Variants in REPS2 observed in about 807,000 individuals in gnomAD.
The protein encoded by REPS2 is RALBP1 associated Eps domain containing 2, also known as ralBP1-associated Eps domain-containing protein 2.
A neutral mutation model predicts 53.6 loss-of-function variants in REPS2; 23 were observed. The observed-to-expected ratio is 0.43, with a 90% CI of 0.31 to 0.61. The LOEUF is 0.61. Ranked by LOEUF, REPS2 falls within the 20% of genes least tolerant of loss-of-function variation. REPS2 has a pLI of 0.11. For synonymous variants in REPS2, 238 were observed against 218.6 expected (o/e 1.09, Z -0.78); for missense variants, 446 against 534.9 (o/e 0.83, Z 1.64).
intron 5 of REPS2, among the ~76,000 whole-genome samples, chrX:17,041,399 C>G (rs1012653103): frequency 2.5e-4 from 28 of 111,588 alleles, no homozygotes; most frequent in African/African-American, 8.5e-4. Context: ...GCTTCTGTGA[C>G]TTTTTTTTCT....
chrX:16,988,454 A>G (rs1357597733), intron 1 of REPS2, among the ~76,000 whole-genome samples: 1 of 112,547 alleles, frequency 8.9e-6, no homozygotes, highest in Non-Finnish European at 1.9e-5. Context: ...CATACTAGCC[A>G]TAAACAAATG....
At chrX:17,163,581 T>G in the REPS2 span, among the ~76,000 whole-genome samples, 12 of 111,992 alleles carry the variant, frequency 1.1e-4, no homozygotes, top group African/African-American at 3.6e-4. Context: ...ATCTTGAAAG[T>G]AGCAAAAGCT....
chrX:17,143,752 G>C (rs1182872266), intron 17 of REPS2, among the ~76,000 whole-genome samples: 1 of 109,902 alleles, frequency 9.1e-6, no homozygotes. Flanking sequence ...GTTTATTTTT[G>C]ACGGTATCCT....
intron 14 of REPS2, among the ~76,000 whole-genome samples, chrX:17,129,543 C>T (rs751178): frequency 0.025 from 2,773 of 111,850 alleles, 92 homozygotes; most frequent in African/African-American, 0.087. Flanking sequence ...TTTAGCCTGA[C>T]ATAACACCAT....
chrX:17,043,012 G>C (rs1014324933), intron 5 of REPS2, among the ~76,000 whole-genome samples: 2 of 111,123 alleles, frequency 1.8e-5, no homozygotes, highest in Admixed American at 1.9e-4. Context: ...GCCCAGGCTG[G>C]TCTCAAACTC....
chrX:17,023,199 G>A (rs915923512), intron 3 of REPS2, among the ~76,000 whole-genome samples: 6 of 112,336 alleles, frequency 5.3e-5, no homozygotes, highest in Admixed American at 2.8e-4. Context: ...AGGCCAAGGC[G>A]GGTGGATCAC....
At chrX:17,047,574 T>C (rs1031307629) in intron 6 of REPS2, 92 bp downstream of exon 6, 5 of 1,048,817 alleles carry the variant, frequency 4.8e-6, no homozygotes, top group Admixed American at 6.1e-5. Flanking sequence ...GGCAGCCTTC[T>C]GTGATTTCAG....
At chrX:16,965,567 A>G in intron 1 of REPS2, among the ~76,000 whole-genome samples, 1 of 107,122 alleles carries the variant, frequency 9.3e-6, no homozygotes, top group Non-Finnish European at 1.9e-5. Context: ...CCGGGCAGAG[A>G]CGCTCCTCAC....
chrX:17,004,946 C>T (rs2061346669), intron 1 of REPS2, among the ~76,000 whole-genome samples: 1 of 110,653 alleles, frequency 9.0e-6, no homozygotes, highest in South Asian at 3.8e-4. Flanking sequence ...AGCGATCTTC[C>T]TTGAGGCCTC....
chrX:17,103,678 T>C, intron 13 of REPS2, 40 bp from the exon 14 acceptor site: 8 of 1,170,781 alleles, frequency 6.8e-6, no homozygotes, highest in African/African-American at 1.8e-5. Context: ...TTGTTTATTT[T>C]TGGGGGGTGA....
intron 1 of REPS2, among the ~76,000 whole-genome samples, chrX:16,991,133 T>G (rs2061158437): frequency 9.0e-6 from 1 of 111,253 alleles, no homozygotes; most frequent in East Asian, 2.8e-4. Flanking sequence ...AAAAAACCAG[T>G]TTTTAAATGT....
chrX:17,156,261 T>A (rs1243911761), downstream of REPS2, among the ~76,000 whole-genome samples: 3 of 111,404 alleles, frequency 2.7e-5, no homozygotes, highest in East Asian at 8.4e-4. Context: ...TATTTTCCTT[T>A]ATTTGCCCTG....
the REPS2 span, among the ~76,000 whole-genome samples, chrX:17,167,986 A>G: frequency 9.0e-6 from 1 of 111,467 alleles, no homozygotes; most frequent in African/African-American, 3.3e-5. Context: ...ATATCAGGGA[A>G]ATTATACCTG....
intron 4 of REPS2, among the ~76,000 whole-genome samples, 158 bp from the exon 5 acceptor site, chrX:17,029,368 C>G (rs2061681442): frequency 8.9e-6 from 1 of 112,296 alleles, no homozygotes; most frequent in African/African-American, 3.2e-5. Context: ...GAAATTGTGC[C>G]AAAGAGAATC....
At chrX:17,049,820 A>G (rs2061955330) in intron 6 of REPS2, among the ~76,000 whole-genome samples, 1 of 111,564 alleles carries the variant, frequency 9.0e-6, no homozygotes, top group Non-Finnish European at 1.9e-5. Context: ...AATGGAGTCA[A>G]GAAGGTTAAA....
chrX:17,178,872 GA>G, the REPS2 span, among the ~76,000 whole-genome samples: 42 of 107,117 alleles, frequency 3.9e-4, no homozygotes, highest in Non-Finnish European at 6.2e-4. Flanking sequence ...CCTGGCAACA[GA>G]GCGAGACTCG....
intron 1 of REPS2, chrX:16,978,506 CT>C (rs765672478): frequency 0.029 from 14,422 of 503,232 alleles, no homozygotes; most frequent in Non-Finnish European, 0.032. Flanking sequence ...TCCTTTTTTT[CT>C]TTTTTTTTTT....
chrX:17,048,785 T>C (rs1432068033), intron 6 of REPS2, among the ~76,000 whole-genome samples: 1 of 113,060 alleles, frequency 8.8e-6, no homozygotes, highest in Non-Finnish European at 1.9e-5. Flanking sequence ...AAAACAAATC[T>C]GTGCTACCAG....
chrX:17,108,337 C>A (rs1422225242), intron 14 of REPS2, among the ~76,000 whole-genome samples: 1 of 110,245 alleles, frequency 9.1e-6, no homozygotes, highest in Non-Finnish European at 1.9e-5. Flanking sequence ...CCACGCCCGG[C>A]TAATTCTGTA....
Sources: gnomAD v4.1 joint callset for allele counts (sites outside exome capture counted in the v4.1 genomes callset) on GRCh38, gnomAD v4.1.1 for gene constraint, MANE v1.5 for transcripts, NCBI Gene and HGNC (gene_info 2026-07-23, HGNC 2026-07-21) for gene names.